Variants in EIF2B3 observed in about 807,000 individuals in gnomAD.
The protein encoded by EIF2B3 is eukaryotic translation initiation factor 2B subunit gamma.
Under a neutral mutation model 54.1 loss-of-function variants are expected in EIF2B3, and 20 were observed. That is an observed-to-expected ratio of 0.37 (90% confidence interval 0.26 to 0.54). The LOEUF (loss-of-function observed/expected upper bound fraction) is 0.54. EIF2B3 is among the 20% of genes least tolerant of loss of function. EIF2B3 has a pLI of 0.86. For synonymous variants in EIF2B3, 153 were observed against 188.1 expected, an observed-to-expected ratio of 0.81 and a Z score of 1.52; for missense variants, 448 against 547.8, an observed-to-expected ratio of 0.82 and a Z score of 1.82.
chr1:44,877,210 A>C lies in EIF2B3; in HGVS notation c.976-1515T>G, dbSNP rs796432476. Among the ~76,000 whole-genome samples, 345 of 148,874 alleles carry C rather than the reference A, an allele frequency of 2.3e-3. 7 individuals carry two copies. The highest frequency in any genetic ancestry group is 9.0e-3 in the East Asian group (46 of 5,122). On this transcript the variant is annotated intron_variant, in intron 8 of 11. Coordinates refer to ENST00000360403, the MANE Select transcript of EIF2B3 (RefSeq NM_020365.5). Reference sequence around the variant, plus strand: ...TGATCAATAAAAAAAAAAAAAAAAAAAAAAAAAAAAAACACCTTAGGTAGA... The same window carrying C: ...TGATCAATAAAAAAAAAAAAAAAAACAAAAAAAAAAAACACCTTAGGTAGA...
At chr1:44,900,449 A>AC (rs1172468666) in intron 5 of EIF2B3, among the ~76,000 whole-genome samples, 1 of 150,446 alleles carries the variant, frequency 6.6e-6, no homozygotes, top group Non-Finnish European at 1.5e-5. Context: ...TCATCTCAAA[A>AC]AAAAAAAAAA....
chr1:44,880,322 A>G (rs1225500735), intron 7 of EIF2B3, among the ~76,000 whole-genome samples: 2 of 152,246 alleles, frequency 1.3e-5, no homozygotes, highest in African/African-American at 4.8e-5. Context: ...AAGTCAAACT[A>G]AAAGAGGAAA....
At chr1:44,961,850 T>C (rs1211318805) in intron 3 of EIF2B3, among the ~76,000 whole-genome samples, 1 of 152,194 alleles carries the variant, frequency 6.6e-6, no homozygotes, top group Non-Finnish European at 1.5e-5. Flanking sequence ...ACCTCTCTTA[T>C]GAAAGCCTGT....
intron 3 of EIF2B3, 37 bp downstream of exon 3, chr1:44,978,278 T>C (rs1644473288): frequency 6.2e-7 from 1 of 1,611,280 alleles, no homozygotes; most frequent in South Asian, 1.1e-5. Flanking sequence ...ATCATCTATC[T>C]TCAATAAACA....
chr1:44,888,905 A>G (rs976358717), intron 6 of EIF2B3, among the ~76,000 whole-genome samples: 1 of 152,222 alleles, frequency 6.6e-6, no homozygotes, highest in Non-Finnish European at 1.5e-5. Flanking sequence ...TATCTTGAGT[A>G]GTTAAAAGCC....
intron 3 of EIF2B3, among the ~76,000 whole-genome samples, chr1:44,945,949 C>T (rs964645721): frequency 6.6e-6 from 1 of 152,074 alleles, no homozygotes; most frequent in Non-Finnish European, 1.5e-5. Context: ...ATGCAGATGC[C>T]TCAGAAGTGG....
chr1:44,941,482 A>G, intron 4 of EIF2B3, 24 bp downstream of exon 4: 2 of 1,587,170 alleles, frequency 1.3e-6, no homozygotes, highest in Non-Finnish European at 1.7e-6. Context: ...CTCAACAAAC[A>G]AAACAAACTC....
chr1:44,940,428 T>C (rs929636437), intron 4 of EIF2B3, among the ~76,000 whole-genome samples: 2 of 150,438 alleles, frequency 1.3e-5, no homozygotes, highest in Non-Finnish European at 3.0e-5. Flanking sequence ...AATAAGTATG[T>C]TACAATCAAA....
At chr1:44,961,938 T>A (rs1447224531) in intron 3 of EIF2B3, among the ~76,000 whole-genome samples, 5 of 152,156 alleles carry the variant, frequency 3.3e-5, no homozygotes. Context: ...ACACCTGTAA[T>A]CCCAGCACTT....
chr1:44,947,425 G>T (rs557563134), intron 3 of EIF2B3, among the ~76,000 whole-genome samples: 1 of 152,086 alleles, frequency 6.6e-6, no homozygotes, highest in Non-Finnish European at 1.5e-5. Context: ...GAACATTTTC[G>T]ATCAAGCCAA....
rs1491253043 is a variant in EIF2B3 at position 44,944,642 on chromosome 1, CAT to C, written c.295-2979_295-2978del. 2.0e-5 allele frequency among the ~76,000 whole-genome samples: 3 copies of C among 152,182 alleles called. No homozygotes were observed. In the Middle Eastern group the frequency reaches 0.01, roughly 518 times the overall value. On this transcript the variant is annotated intron_variant, in intron 3 of 11. Transcript: ENST00000360403. ...ACCCCATCTCTAAAAATACATAAAACATTTTTTAAATTAGCAAATAAAATTTT... is the reference window on the plus strand; with the variant it reads ...ACCCCATCTCTAAAAATACATAAAACTTTTTAAATTAGCAAATAAAATTTT...
At chr1:44,912,072 T>G (rs1251876230) in intron 5 of EIF2B3, among the ~76,000 whole-genome samples, 2 of 151,762 alleles carry the variant, frequency 1.3e-5, no homozygotes, top group African/African-American at 2.4e-5. Context: ...TTCCATGGTG[T>G]ATATGTGCCA....
Position 44,858,290 on chromosome 1 carries a change from G to C in EIF2B3, c.1203-483C>G, listed in dbSNP as rs1247728281. On this transcript the variant is annotated intron_variant, in intron 10 of 11. Coordinates refer to ENST00000360403, the MANE Select transcript of EIF2B3 (RefSeq NM_020365.5). ...TAGAGGTCTAAATTCCATCCAATCT[G>C]TTCTTTGGTCTGGGGCTGGTCCTTA... Among the ~76,000 whole-genome samples the C allele has an allele frequency of 2.0e-5, 3 of 151,718 alleles. No homozygotes were observed. In the East Asian group the frequency reaches 5.8e-4, roughly 29 times the overall value.
At chr1:44,968,507 G>A (rs566333621) in intron 3 of EIF2B3, among the ~76,000 whole-genome samples, 1 of 152,176 alleles carries the variant, frequency 6.6e-6, no homozygotes, top group South Asian at 2.1e-4. Context: ...AACTCCTTTG[G>A]GAATCCAGAC....
At chr1:44,866,712 G>A (rs545521159) in intron 10 of EIF2B3, among the ~76,000 whole-genome samples, 66 of 152,140 alleles carry the variant, frequency 4.3e-4, no homozygotes, top group Non-Finnish European at 8.8e-4. Flanking sequence ...ACACCACCAC[G>A]CCCAGCTAAT....
intron 5 of EIF2B3, among the ~76,000 whole-genome samples, chr1:44,902,190 G>C (rs1235369692): frequency 6.6e-6 from 1 of 152,128 alleles, no homozygotes; most frequent in East Asian, 1.9e-4. Flanking sequence ...TACCATACTT[G>C]TCTTGACTAC....
intron 3 of EIF2B3, among the ~76,000 whole-genome samples, chr1:44,977,068 C>T (rs1644460347): frequency 1.3e-5 from 2 of 152,088 alleles, no homozygotes; most frequent in Admixed American, 1.3e-4. Flanking sequence ...TTTTATAGTA[C>T]AAAAGTCGGT....
At chr1:44,921,919 A>AT (rs1236335264) in intron 5 of EIF2B3, among the ~76,000 whole-genome samples, 15 of 149,544 alleles carry the variant, frequency 1.0e-4, no homozygotes, top group African/African-American at 3.7e-4. Context: ...ATTTTATTTT[A>AT]TTTATTTTTT....
chr1:44,908,838 G>A (rs950195856), intron 5 of EIF2B3, among the ~76,000 whole-genome samples: 1 of 152,180 alleles, frequency 6.6e-6, no homozygotes, highest in Non-Finnish European at 1.5e-5. Context: ...TTCTAATGCT[G>A]GAGGAAAGGA....
Sources: gnomAD v4.1 joint callset for allele counts (sites outside exome capture counted in the v4.1 genomes callset) on GRCh38, gnomAD v4.1.1 for gene constraint, MANE v1.5 for transcripts, NCBI Gene and HGNC (gene_info 2026-07-23, HGNC 2026-07-21) for gene names.